Variants in TAFA2 observed in about 807,000 individuals in gnomAD.
TAFA2 encodes the protein chemokine-like protein TAFA-2.
TAFA2 carries 7 observed loss-of-function variants against 18.8 expected under a neutral mutation model. The observed-to-expected ratio is 0.37, with a 90% CI of 0.21 to 0.70. TAFA2 has a LOEUF of 0.70. Among genes scored for constraint, TAFA2 ranks in the 30% least tolerant of loss-of-function variants. The pLI is 0.53. For synonymous variants in TAFA2, 60 were observed against 54.2 expected (o/e 1.11, Z -0.47); for missense variants, 122 against 158.1 (o/e 0.77, Z 1.23).
intron 1 of TAFA2, among the ~76,000 whole-genome samples, chr12:61,957,263 G>A (rs1379952936): frequency 1.3e-5 from 2 of 152,044 alleles, no homozygotes; most frequent in Non-Finnish European, 2.9e-5. Context: ...ATTCTGTCCA[G>A]AATAGCCATA....
intron 1 of TAFA2, among the ~76,000 whole-genome samples, chr12:62,051,514 G>A (rs188135339): frequency 3.0e-4 from 46 of 152,074 alleles, no homozygotes; most frequent in African/African-American, 1.1e-3. Flanking sequence ...TAAGCTTCCA[G>A]TAAGAATAGG....
At chr12:62,116,926 G>A (rs961630063) in intron 1 of TAFA2, among the ~76,000 whole-genome samples, 1 of 152,064 alleles carries the variant, frequency 6.6e-6, no homozygotes, top group Non-Finnish European at 1.5e-5. Context: ...AGGCTGTTGG[G>A]GTAGGACCCT....
intron 2 of TAFA2, among the ~76,000 whole-genome samples, chr12:61,859,219 G>A (rs560404371): frequency 4.1e-4 from 63 of 152,342 alleles, no homozygotes; most frequent in African/African-American, 1.3e-3. Context: ...CCAGGACGGA[G>A]TGAGTGCCAG....
At chr12:62,223,042 T>C (rs1334664478) in intron 1 of TAFA2, among the ~76,000 whole-genome samples, 3 of 152,126 alleles carry the variant, frequency 2.0e-5, no homozygotes, top group South Asian at 2.1e-4. Flanking sequence ...GGAAACCATG[T>C]TCTTGATTAG....
intron 2 of TAFA2, chr12:61,776,539 G>A (rs897961128): frequency 6.6e-6 from 1 of 151,906 alleles, no homozygotes; most frequent in Admixed American, 6.6e-5. Context: ...GGTCTCCTCA[G>A]TGACAGACAG....
At chr12:62,190,573 T>C (rs1315768072) in intron 1 of TAFA2, among the ~76,000 whole-genome samples, 1 of 152,218 alleles carries the variant, frequency 6.6e-6, no homozygotes, top group East Asian at 1.9e-4. Context: ...GAGAATCATT[T>C]ACTAAAGCTC....
At chr12:62,145,580 C>T (rs1167997213) in intron 1 of TAFA2, 1 of 152,236 alleles carries the variant, frequency 6.6e-6, no homozygotes, top group Non-Finnish European at 1.5e-5. Flanking sequence ...TCCTCCTTCA[C>T]CTTGGAATGA....
At chr12:62,174,426 G>A (rs951259539) in intron 1 of TAFA2, among the ~76,000 whole-genome samples, 5 of 152,166 alleles carry the variant, frequency 3.3e-5, no homozygotes, top group African/African-American at 1.2e-4. Context: ...CAGCAAGGAG[G>A]CTTTAAAGAA....
At chr12:61,751,601 G>A (rs1869018596) in intron 4 of TAFA2, among the ~76,000 whole-genome samples, 1 of 151,730 alleles carries the variant, frequency 6.6e-6, no homozygotes, top group African/African-American at 2.4e-5. Flanking sequence ...CTTAAATAAG[G>A]TCCTCCATTA....
chr12:61,841,466 T>G (rs1873177191), intron 2 of TAFA2, among the ~76,000 whole-genome samples: 1 of 152,096 alleles, frequency 6.6e-6, no homozygotes, highest in Admixed American at 6.6e-5. Context: ...TGTAAACATG[T>G]GCATTAATTC....
Position 61,989,264 on chromosome 12 carries a change from T to C in TAFA2, c.-1-121838A>G, listed in dbSNP as rs999519511. Among the ~76,000 whole-genome samples the C allele has an allele frequency of 2.0e-5, 3 of 152,058 alleles. No homozygotes were observed. In the East Asian group the frequency reaches 5.8e-4, roughly 29 times the overall value. ...CACCAAGATGTAGAAAAATGCCTAG[T>C]GATCCATAGAAGAGAAGGACAATAA... is the stretch of plus-strand genomic sequence containing the variant. On this transcript the variant is annotated intron_variant, in intron 1 of 4. Transcript: ENST00000416284.
chr12:62,019,554 G>A (rs562041858), intron 1 of TAFA2, among the ~76,000 whole-genome samples: 23 of 151,580 alleles, frequency 1.5e-4, no homozygotes, highest in South Asian at 4.2e-4. Flanking sequence ...ATCATTCTCA[G>A]CAAACTATCA....
chr12:61,878,630 A>G (rs1874971676), intron 1 of TAFA2, among the ~76,000 whole-genome samples: 1 of 152,164 alleles, frequency 6.6e-6, no homozygotes, highest in Non-Finnish European at 1.5e-5. Flanking sequence ...GAAACACTAC[A>G]TATGTCCTTT....
At chr12:62,184,502 C>CTTTTTTTTTTTTTTTTTT (rs10526118) in intron 1 of TAFA2, among the ~76,000 whole-genome samples, 1 of 106,172 alleles carries the variant, frequency 9.4e-6, no homozygotes, top group Non-Finnish European at 1.8e-5. Flanking sequence ...AAAAAAAATT[C>CTTTTTTTTTTTTTTTTTT]TTTTTTTTTT....
intron 1 of TAFA2, among the ~76,000 whole-genome samples, chr12:62,254,756 T>C (rs1273449859): frequency 6.6e-6 from 1 of 152,342 alleles, no homozygotes; most frequent in South Asian, 2.1e-4. Flanking sequence ...TGGAACACAT[T>C]ATAAAGAATA....
chr12:62,038,018 T>C (rs1167465754), intron 1 of TAFA2, among the ~76,000 whole-genome samples: 1 of 152,196 alleles, frequency 6.6e-6, no homozygotes, highest in East Asian at 1.9e-4. Context: ...ACTTCTGTAC[T>C]GTATGATCTC....
intron 2 of TAFA2, among the ~76,000 whole-genome samples, chr12:61,826,670 T>G (rs1872546413): frequency 6.6e-6 from 1 of 152,004 alleles, no homozygotes. Flanking sequence ...AAATGCAAAG[T>G]GTAATCCTCA....
chr12:61,893,243 G>C (rs1271186292), intron 1 of TAFA2, among the ~76,000 whole-genome samples: 2 of 152,194 alleles, frequency 1.3e-5, no homozygotes, highest in African/African-American at 2.4e-5. Context: ...CATTACACTT[G>C]GCAGCATGCA....
intron 1 of TAFA2, among the ~76,000 whole-genome samples, chr12:62,019,500 A>G (rs1303128679): frequency 6.6e-6 from 1 of 151,670 alleles, no homozygotes. Context: ...ATAAAAAATG[A>G]TGAGTTTATG....
Sources: gnomAD v4.1 joint callset for allele counts (sites outside exome capture counted in the v4.1 genomes callset) on GRCh38, gnomAD v4.1.1 for gene constraint, MANE v1.5 for transcripts, NCBI Gene and HGNC (gene_info 2026-07-23, HGNC 2026-07-21) for gene names.